MYH16: variants seen among roughly 807,000 people sequenced by gnomAD.
MYH16 encodes myosin heavy chain 16, also known as putative uncharacterized protein MYH16.
At chr7:99,293,708 C>T (rs1792426515) in intron 32 of MYH16, among the ~76,000 whole-genome samples, 1 of 152,208 alleles carries the variant, frequency 6.6e-6, no homozygotes, top group Non-Finnish European at 1.5e-5. Flanking sequence ...CATGTATTGC[C>T]TGCCTCCTCC....
chr7:99,238,995 CT>C (rs2150802522), exon 1 of MYH16: 1 of 152,832 alleles, frequency 6.5e-6, no homozygotes, highest in South Asian at 2.1e-4. Context: ...GAGATCCAGT[CT>C]GAACAGGGTG....
chr7:99,297,001 T>C (rs1240584536), intron 34 of MYH16, 84 bp downstream of exon 15: 2 of 420,840 alleles, frequency 4.8e-6, no homozygotes, highest in South Asian at 1.7e-5. Context: ...ACATCATCAG[T>C]TGAGTACCTG....
chr7:99,299,238 A>T (rs182611297), intron 36 of MYH16, among the ~76,000 whole-genome samples: 101 of 152,216 alleles, frequency 6.6e-4, no homozygotes, highest in African/African-American at 2.3e-3. Context: ...CGGTTTTTCC[A>T]TTACAGCCTG....
intron 4 of MYH16, among the ~76,000 whole-genome samples, chr7:99,249,532 C>T (rs1791782456): frequency 7.1e-6 from 1 of 141,618 alleles, no homozygotes; most frequent in Admixed American, 7.0e-5. Context: ...GAGCAAGACC[C>T]TCTCTCAAAA....
chr7:99,267,793 G>C (rs374646090), intron 18 of MYH16, among the ~76,000 whole-genome samples: 1 of 152,176 alleles, frequency 6.6e-6, no homozygotes, highest in Admixed American at 6.5e-5. Flanking sequence ...AGTGGTGCCA[G>C]GTGTCCTTCT....
exon 21 of MYH16, chr7:99,277,616 C>T (rs565030897): frequency 3.3e-5 from 15 of 457,016 alleles, no homozygotes; most frequent in Admixed American, 2.6e-4. Flanking sequence ...AAGCCATGGC[C>T]CAAACCCAGG....
intron 21 of MYH16, 29 bp from the exon 4 acceptor site, chr7:99,279,481 T>C (rs1401795202): frequency 2.2e-6 from 1 of 454,444 alleles, no homozygotes; most frequent in Non-Finnish European, 4.4e-6. Flanking sequence ...CTGGACCCTG[T>C]CCTCGACCGG....
intron 33 of MYH16, among the ~76,000 whole-genome samples, chr7:99,295,022 G>A (rs1463046056): frequency 6.6e-6 from 1 of 152,104 alleles, no homozygotes; most frequent in African/African-American, 2.4e-5. Flanking sequence ...CTGGTTGACA[G>A]AGTGAGACCC....
chr7:99,259,782 G>A (rs958632500), intron 11 of MYH16, among the ~76,000 whole-genome samples: 41 of 145,798 alleles, frequency 2.8e-4, no homozygotes, highest in African/African-American at 9.5e-4. Flanking sequence ...ATATATACAC[G>A]TATATTGTAT....
At chr7:99,292,857 G>A (rs780145609) in intron 32 of MYH16, among the ~76,000 whole-genome samples, 4 of 151,988 alleles carry the variant, frequency 2.6e-5, no homozygotes, top group Non-Finnish European at 4.4e-5. Flanking sequence ...CTATTTGGGA[G>A]ACTAAAGTGA....
intron 18 of MYH16, among the ~76,000 whole-genome samples, chr7:99,269,969 G>T (rs1562778283): frequency 6.6e-6 from 1 of 150,958 alleles, no homozygotes; most frequent in African/African-American, 2.4e-5. Context: ...CGCCTCCCGG[G>T]TTTAAGCGAT....
chr7:99,298,386 C>G (rs974647371), intron 36 of MYH16, among the ~76,000 whole-genome samples: 12 of 152,150 alleles, frequency 7.9e-5, no homozygotes, highest in African/African-American at 2.9e-4. Context: ...GCATGTGCCA[C>G]TGTGCCCAGC....
At chr7:99,284,758 C>T in intron 25 of MYH16, 87 bp from the exon 8 acceptor site, 1 of 444,568 alleles carries the variant, frequency 2.2e-6, no homozygotes, top group South Asian at 1.6e-5. Flanking sequence ...TTCAAGGCCT[C>T]CTCTGGCAGC....
chr7:99,301,850 G>A (rs1792599716), intron 38 of MYH16, 46 bp downstream of exon 19: 1 of 152,746 alleles, frequency 6.5e-6, no homozygotes, highest in Admixed American at 6.5e-5. Context: ...CCACACTCCG[G>A]GGGTTAGGGG....
At chr7:99,300,891 C>T (rs1178419127) in intron 37 of MYH16, among the ~76,000 whole-genome samples, 1 of 151,934 alleles carries the variant, frequency 6.6e-6, no homozygotes, top group South Asian at 2.1e-4. Flanking sequence ...GGTGATAAGT[C>T]CTATGGAGAA....
chr7:99,293,028 G>A (rs1433988054), intron 32 of MYH16, among the ~76,000 whole-genome samples: 1 of 151,984 alleles, frequency 6.6e-6, no homozygotes, highest in African/African-American at 2.4e-5. Flanking sequence ...AGTGGCTCTG[G>A]GCCTCTCTCT....
At chr7:99,261,086 A>G (rs370230570) in intron 12 of MYH16, 1 of 145,658 alleles carries the variant, frequency 6.9e-6, no homozygotes, top group Non-Finnish European at 1.5e-5. Context: ...AAATTAAATT[A>G]AAAAAAAAAA....
At chr7:99,288,644 C>T (rs561653706) in intron 29 of MYH16, among the ~76,000 whole-genome samples, 158 of 151,786 alleles carry the variant, frequency 1.0e-3, no homozygotes, top group African/African-American at 3.6e-3. Flanking sequence ...GCCGAGATTG[C>T]GCCACTGCAC....
Position 99,297,647 on chromosome 7 carries a change from A to G in MYH16, n.4500-13A>G, listed in dbSNP as rs1359996198. ...AATGCCGAGTCTTATTAACATGAAT[A>G]TTTCTATCTCAGAGGAGATAAAGGA... On this transcript the variant is annotated splice_polypyrimidine_tract_variant and intron_variant and non_coding_transcript_variant, in intron 34 of 41. Transcript: ENST00000439784. 1 of 455,260 alleles carries G rather than the reference A, an allele frequency of 2.2e-6. No homozygotes were observed. The highest frequency in any genetic ancestry group is 2.4e-5 in the Admixed American group (1 of 42,366). The allele number at this position is 455,260 out of a possible 1,614,324, so 28.2% of individuals were successfully genotyped here.
Sources: allele counts gnomAD v4.1 joint callset (sites outside exome capture counted in the v4.1 genomes callset), GRCh38; gene constraint gnomAD v4.1.1; transcripts MANE v1.5; gene names NCBI Gene and HGNC (gene_info 2026-07-23, HGNC 2026-07-21).